The following LPO variants were observed in gnomAD, a reference collection of about 807,000 sequenced individuals.
LPO encodes the protein lactoperoxidase.
In LPO, 70 loss-of-function variants were observed where a neutral mutation model predicts 68.4. The observed-to-expected ratio is 1.02, with a 90% confidence interval of 0.84 to 1.25. LPO has a LOEUF of 1.25. Ranked by LOEUF, LPO falls within the 50% of genes most tolerant of loss-of-function variation. LPO has a pLI of 0.00. For synonymous variants in LPO, 360 were observed against 357.6 expected (o/e 1.01, Z -0.08); for missense variants, 873 against 908.4 (o/e 0.96, Z 0.50).
At chr17:58,262,791 G>T (rs1970198544) in intron 9 of LPO, among the ~76,000 whole-genome samples, 1 of 152,208 alleles carries the variant, frequency 6.6e-6, no homozygotes, top group Non-Finnish European at 1.5e-5. Flanking sequence ...ATTTAATTAT[G>T]ATATGCCTTG....
intron 9 of LPO, among the ~76,000 whole-genome samples, chr17:58,262,938 C>T (rs1474821985): frequency 6.6e-6 from 1 of 152,194 alleles, no homozygotes; most frequent in Non-Finnish European, 1.5e-5. Context: ...CCTTTCTCCT[C>T]TGTTTCTGGA....
chr17:58,260,793 C>A (rs8178373), intron 9 of LPO, among the ~76,000 whole-genome samples: 3,892 of 152,280 alleles, frequency 0.026, 70 homozygotes, highest in Non-Finnish European at 0.04. Flanking sequence ...TCCCTCTTAG[C>A]ACTGAGTTGA....
intron 5 of LPO, 38 bp from the exon 6 acceptor site, chr17:58,249,524 AGCCG>A: frequency 6.3e-7 from 1 of 1,590,858 alleles, no homozygotes; most frequent in Non-Finnish European, 8.5e-7. Context: ...GGAGCCCCGG[AGCCG>A]GCCTGCCGAA....
In LPO at chr17:58,244,028, T is replaced by C. The variant is rs1270527541; in HGVS notation, c.111T>C (p.Thr37=). Residue 37 remains threonine, a synonymous_variant, in exon 3 of 13, where the codon ACT becomes ACC. Coordinates refer to ENST00000262290, the MANE Select transcript of LPO (RefSeq NM_006151.3). ...QTTRTSAISD[T]VSQAKVQVNK... ...CCAGAACCTCTGCCATCTCCGATAC[T>C]GTGAGTCAGGCCAAGGTCCAAGTCA... is the stretch of plus-strand genomic sequence containing the variant. The C allele has an allele frequency of 2.5e-6, 4 of 1,613,696 alleles. No homozygotes were observed. The highest frequency in any genetic ancestry group is 3.4e-6 in the Non-Finnish European group (4 of 1,179,982).
intron 9 of LPO, among the ~76,000 whole-genome samples, chr17:58,261,880 C>A (rs1391142597): frequency 3.3e-5 from 5 of 152,174 alleles, no homozygotes; most frequent in Admixed American, 6.5e-5. Context: ...CAACGTATCA[C>A]AACCTATTGG....
At chr17:58,239,120 C>A (rs906939914) in intron 1 of LPO, among the ~76,000 whole-genome samples, 6 of 151,972 alleles carry the variant, frequency 3.9e-5, no homozygotes, top group African/African-American at 1.5e-4. Context: ...GCTCCCTGTG[C>A]TGTTCTTGAG....
At position 58,254,898 on chromosome 17, in the gene LPO, A is replaced by C; in HGVS notation, c.1193A>C (p.Lys398Thr). Residue 398 changes from lysine to threonine, a missense_variant, in exon 9 of 13, where the codon AAG becomes ACG. Coordinates refer to ENST00000262290, the MANE Select transcript of LPO (RefSeq NM_006151.3). ...REHNRLAREL[K>T]RLNPQWDGEK... is the part of the protein sequence containing the mutation. ...CATAACCGGCTGGCCAGAGAACTAA[A>C]GAGACTCAACCCTCAGTGGGATGGA... 1 of 1,614,130 alleles carries C rather than the reference A, an allele frequency of 6.2e-7. No individual in the cohort carries two copies. The highest frequency in any genetic ancestry group is 8.5e-7 in the Non-Finnish European group (1 of 1,180,018).
chr17:58,243,006 C>T lies in LPO; in HGVS notation c.27C>T (p.Ala9=). The change falls in exon 2 of 13, where the codon GCC becomes GCT. Residue 9 remains alanine (A), a synonymous_variant. Coordinates refer to ENST00000262290, the MANE Select transcript of LPO (RefSeq NM_006151.3). The part of the protein sequence containing the change: MRVLLHLP[A]LLASLILLQA... ...TGAGGGTCCTTCTCCATCTCCCAGC[C>T]CTCCTGGCTTCCCTCATCTTGCTTC... 3 of 1,614,114 alleles carry T rather than the reference C, an allele frequency of 1.9e-6. No individual in the cohort carries two copies. Among genetic ancestry groups the T allele is most frequent in the Non-Finnish European group, 2.5e-6 (3 of 1,180,020 alleles).
chr17:58,244,324 C>A (rs1969815091), intron 3 of LPO: 2 of 501,702 alleles, frequency 4.0e-6, no homozygotes, highest in Non-Finnish European at 7.1e-6. Flanking sequence ...CTAATCTAAC[C>A]CTAGAAGGAC....
intron 9 of LPO, among the ~76,000 whole-genome samples, chr17:58,257,258 C>A (rs1313116860): frequency 2.6e-5 from 4 of 152,036 alleles, no homozygotes; most frequent in Non-Finnish European, 5.9e-5. Context: ...TGGTACCCAC[C>A]AACCATCTCC....
At chr17:58,249,947 C>T (rs1384924200) in intron 6 of LPO, among the ~76,000 whole-genome samples, 2 of 152,190 alleles carry the variant, frequency 1.3e-5, no homozygotes, top group Non-Finnish European at 2.9e-5. Flanking sequence ...CCTCCCTGCC[C>T]CATCCCGCTC....
At position 58,267,546 on chromosome 17, in the gene LPO, C is replaced by T. The variant is rs1970293807; in HGVS notation, c.1891C>T (p.Leu631Phe). 4 of 1,613,476 alleles carry T rather than the reference C, an allele frequency of 2.5e-6. No homozygotes were observed. Among genetic ancestry groups the T allele is most frequent in the South Asian group, 1.1e-5 (1 of 91,048 alleles). The change falls in exon 12 of 13, where the codon CTC becomes TTC. Residue 631 changes from leucine (L) to phenylalanine (F), a missense_variant. By Grantham distance (22) the Leu-to-Phe change is conservative (BLOSUM62 0). Coordinates refer to ENST00000262290, the MANE Select transcript of LPO (RefSeq NM_006151.3). ...TCGGGTGGGGCCTCTCCTGGCCTGC[C>T]TCTTGGGCAAGCAGTTCCAGCAGAT... ...RGRVGPLLAC[L>F]LGKQFQQIRD...
intron 11 of LPO, 96 bp downstream of exon 11, chr17:58,266,422 C>G (rs1970267967): frequency 3.8e-6 from 5 of 1,330,034 alleles, no homozygotes; most frequent in Non-Finnish European, 5.1e-6. Context: ...ATCTGATCAT[C>G]TGATCAATTC....
rs186222435 is a variant in LPO at position 58,257,654 on chromosome 17, C to T, written c.1266+2683C>T. ...TGATTTTATTTCTTTTGGGTATACA[C>T]CCAGTAGTGAGATTGCTGGATCATA... is the stretch of plus-strand genomic sequence containing the variant. On this transcript the variant is annotated intron_variant, in intron 9 of 12. Coordinates refer to ENST00000262290, the MANE Select transcript of LPO (RefSeq NM_006151.3). Among the ~76,000 whole-genome samples the T allele has an allele frequency of 1.0e-3, 152 of 152,304 alleles. 1 individual carries two copies. In the Middle Eastern group the frequency reaches 0.031, roughly 31 times the overall value.
chr17:58,255,100 C>A, intron 9 of LPO, 129 bp downstream of exon 9: 1 of 840,436 alleles, frequency 1.2e-6, no homozygotes, highest in Non-Finnish European at 1.8e-6. Context: ...GGCCCCTCTG[C>A]TGCTTCTCTC....
chr17:58,268,119 A>T lies in LPO; in HGVS notation c.*125A>T. The T allele has an allele frequency of 1.0e-6, 1 of 975,644 alleles. No individual in the cohort carries two copies. The highest frequency in any genetic ancestry group is 1.5e-6 in the Non-Finnish European group (1 of 664,164). The allele number at this position is 975,644 out of a possible 1,614,324, so 60.4% of individuals were successfully genotyped here. ...CTTCTTTGCAGCTGGGCCTCTCTAT[A>T]CCCCTGGATGAACAGCTTGCTCAGG... On this transcript the variant is annotated 3_prime_UTR_variant, in exon 13 of 13. Coordinates refer to ENST00000262290, the MANE Select transcript of LPO (RefSeq NM_006151.3).
At chr17:58,263,355 G>A (rs558005994) in intron 9 of LPO, among the ~76,000 whole-genome samples, 1 of 152,160 alleles carries the variant, frequency 6.6e-6, no homozygotes, top group Non-Finnish European at 1.5e-5. Flanking sequence ...TCAAAACGTG[G>A]CATTTCTGGC....
chr17:58,249,421 C>T (rs1567817836), intron 5 of LPO, 145 bp from the exon 6 acceptor site: 4 of 1,274,754 alleles, frequency 3.1e-6, no homozygotes, highest in Non-Finnish European at 3.1e-6. Context: ...AGGGGGTGGG[C>T]GCAGTTCAGA....
chr17:58,247,427 G>T, intron 3 of LPO, 51 bp from the exon 4 acceptor site: 1 of 1,229,236 alleles, frequency 8.1e-7, no homozygotes, highest in Non-Finnish European at 1.1e-6. Context: ...GCGGCCCCCA[G>T]CCCCCTTCCT....
Sources: allele counts gnomAD v4.1 joint callset (sites outside exome capture counted in the v4.1 genomes callset), GRCh38; gene constraint gnomAD v4.1.1; transcripts MANE v1.5; gene names NCBI Gene and HGNC (gene_info 2026-07-23, HGNC 2026-07-21).